ERI3: variants seen among roughly 807,000 people sequenced by gnomAD.
ERI3 encodes ERI1 exoribonuclease family member 3, also known as ERI1 exoribonuclease 3.
Under a neutral mutation model 44.4 loss-of-function variants are expected in ERI3, and 18 were observed. That is an observed-to-expected ratio of 0.41 (90% confidence interval 0.28 to 0.60). The LOEUF is 0.60. ERI3 is among the 20% of genes least tolerant of loss of function. The probability of loss-of-function intolerance (pLI) is 0.36; values close to 1 mark genes in which losing one functional copy is unlikely to be tolerated. For synonymous variants in ERI3, 183 were observed against 164.8 expected, an observed-to-expected ratio of 1.11 and a Z score of -0.84; for missense variants, 294 against 435.5, an observed-to-expected ratio of 0.68 and a Z score of 2.89.
chr1:44,317,716 G>A (rs574601690), intron 4 of ERI3, among the ~76,000 whole-genome samples: 42 of 152,182 alleles, frequency 2.8e-4, no homozygotes, highest in South Asian at 8.3e-4. Flanking sequence ...GGGGATCAGG[G>A]AAAGTGACCC....
chr1:44,286,481 A>G (rs770938883), intron 6 of ERI3, among the ~76,000 whole-genome samples: 5 of 152,190 alleles, frequency 3.3e-5, no homozygotes, highest in Non-Finnish European at 5.9e-5. Context: ...TCATTAATAT[A>G]ATTATTAATG....
intron 1 of ERI3, chr1:44,353,166 T>C (rs1351155335): frequency 1.0e-6 from 1 of 985,204 alleles, no homozygotes; most frequent in African/African-American, 1.7e-5. Context: ...ACACTAAACA[T>C]TTACCGAGAA....
intron 3 of ERI3, among the ~76,000 whole-genome samples, chr1:44,333,727 C>A (rs1311145063): frequency 2.0e-5 from 3 of 152,144 alleles, no homozygotes; most frequent in African/African-American, 4.8e-5. Flanking sequence ...GTCTCTTTCA[C>A]AAAAGACTAG....
intron 6 of ERI3, among the ~76,000 whole-genome samples, chr1:44,289,210 A>G (rs1304714630): frequency 6.6e-6 from 1 of 152,240 alleles, no homozygotes; most frequent in Admixed American, 6.5e-5. Flanking sequence ...CAACCAAATC[A>G]AAACTTCCTT....
At chr1:44,295,945 C>G (rs1645601339) in intron 6 of ERI3, among the ~76,000 whole-genome samples, 1 of 152,206 alleles carries the variant, frequency 6.6e-6, no homozygotes, top group Admixed American at 6.5e-5. Context: ...GGCTATAGGA[C>G]TGACAATGGG....
rs183415565 is a variant in ERI3 at position 44,346,520 on chromosome 1, G to A, written c.211+6330C>T. On this transcript the variant is annotated intron_variant, in intron 2 of 8. Coordinates refer to ENST00000372257, the MANE Select transcript of ERI3 (RefSeq NM_024066.3). ...AGTCAGTTGCAACCTCATCACACAC[G>A]AGAAGGGGCAAAGCCTTGCTTCCTA... 2.4e-4 allele frequency among the ~76,000 whole-genome samples: 36 copies of A among 152,274 alleles called. No individual in the cohort carries two copies. The East Asian group carries it at 6.9e-3, about 29-fold the overall frequency.
At chr1:44,297,593 C>A (rs1294103259) in intron 6 of ERI3, among the ~76,000 whole-genome samples, 1 of 152,184 alleles carries the variant, frequency 6.6e-6, no homozygotes, top group Non-Finnish European at 1.5e-5. Flanking sequence ...ACCCCTGTAG[C>A]CTTCATGTGC....
chr1:44,309,256 A>G (rs1450071427), intron 5 of ERI3, among the ~76,000 whole-genome samples: 4 of 152,134 alleles, frequency 2.6e-5, no homozygotes, highest in Non-Finnish European at 5.9e-5. Flanking sequence ...GCACTTTGGG[A>G]GGCAGATGCA....
At chr1:44,322,560 T>G (rs1295383941) in intron 3 of ERI3, among the ~76,000 whole-genome samples, 2 of 152,138 alleles carry the variant, frequency 1.3e-5, no homozygotes, top group Non-Finnish European at 2.9e-5. Context: ...TCTCAAAACG[T>G]GACTTTGCAG....
intron 8 of ERI3, among the ~76,000 whole-genome samples, chr1:44,222,877 G>T (rs1211161603): frequency 6.6e-6 from 1 of 152,210 alleles, no homozygotes; most frequent in Non-Finnish European, 1.5e-5. Flanking sequence ...GGTCAAGGTG[G>T]GGTCAGGAAG....
Position 44,308,410 on chromosome 1 carries a change from T to C in ERI3, c.667-9A>G, listed in dbSNP as rs1260379649. 9.3e-6 allele frequency: 15 copies of C among 1,611,994 alleles called. No homozygotes were observed. The highest frequency in any genetic ancestry group is 4.0e-5 in the African/African-American group (3 of 74,884). Reference sequence around the variant, plus strand: ...ATCCATTCATCGACCCTCTGAAAAGTACACAAGAACAAATGAGATTTTCCT... The same window carrying C: ...ATCCATTCATCGACCCTCTGAAAAGCACACAAGAACAAATGAGATTTTCCT... On this transcript the variant is annotated splice_polypyrimidine_tract_variant and intron_variant, in intron 5 of 8. Transcript: ENST00000372257.
rs1572091546 is a variant in ERI3, at chr1:44,241,884, A to T, written c.931+6055T>A. ...CCTTCTTCCATCCATCTGTCCATCA[A>T]CTCACCCACCCATCTAGTCCATCAA... On this transcript the variant is annotated intron_variant, in intron 8 of 8. Coordinates refer to ENST00000372257, the MANE Select transcript of ERI3 (RefSeq NM_024066.3). This position sits in a 1 kb window ranked among gnomAD's most constrained non-coding sequence, Gnocchi z 5.6. 3.3e-6 allele frequency: 3 copies of T among 908,822 alleles called. No homozygotes were observed. The highest frequency in any genetic ancestry group is 5.6e-4 in the Middle Eastern group (1 of 1,770). The allele number at this position is 908,822 out of a possible 1,614,324, so 56.3% of individuals were successfully genotyped here.
At position 44,303,743 on chromosome 1, in the gene ERI3, A is replaced by G. The variant is rs74839040; in HGVS notation, c.758+4567T>C. Among the ~76,000 whole-genome samples the G allele has an allele frequency of 5.4e-3, 820 of 152,194 alleles. 7 individuals carry two copies. Among genetic ancestry groups the G allele is most frequent in the African/African-American group, 0.019 (774 of 41,512 alleles). On this transcript the variant is annotated intron_variant, in intron 6 of 8. Transcript: ENST00000372257. ...AAGCAAGAACCTTGAAAGTCCCAAT[A>G]AACAGTTTGGACTTTACCCTTGAGG...
At chr1:44,306,243 C>A in intron 6 of ERI3, among the ~76,000 whole-genome samples, 1 of 152,212 alleles carries the variant, frequency 6.6e-6, no homozygotes. Context: ...CCAAACCAGC[C>A]CACAAAGTCT....
intron 6 of ERI3, among the ~76,000 whole-genome samples, chr1:44,307,868 A>C (rs1645872943): frequency 6.6e-6 from 1 of 152,130 alleles, no homozygotes; most frequent in African/African-American, 2.4e-5. Context: ...AAATTACTTA[A>C]CCTTTCTGTA....
intron 7 of ERI3, among the ~76,000 whole-genome samples, chr1:44,267,152 T>C (rs577085395): frequency 1.3e-5 from 2 of 152,320 alleles, no homozygotes; most frequent in Admixed American, 1.3e-4. Context: ...CACAACCCTG[T>C]CCTGCACCCA....
At chr1:44,328,228 C>G (rs1422458213) in intron 3 of ERI3, among the ~76,000 whole-genome samples, 3 of 107,996 alleles carry the variant, frequency 2.8e-5, no homozygotes, top group African/African-American at 7.2e-5. Flanking sequence ...ACCCGCCCCC[C>G]ACCCCCGCAA....
chr1:44,334,802 C>T (rs1037938693), intron 3 of ERI3, among the ~76,000 whole-genome samples: 1 of 152,198 alleles, frequency 6.6e-6, no homozygotes, highest in South Asian at 2.1e-4. Flanking sequence ...ATAACCAATG[C>T]TGTTACTCAC....
intron 2 of ERI3, among the ~76,000 whole-genome samples, chr1:44,348,235 AAG>A (rs778343158): frequency 6.6e-6 from 1 of 152,166 alleles, no homozygotes; most frequent in African/African-American, 2.4e-5. Context: ...GAGTGAAAGA[AAG>A]AGTGAGAGAC....
Sources: gnomAD v4.1 joint callset for allele counts (sites outside exome capture counted in the v4.1 genomes callset) on GRCh38, gnomAD v4.1.1 for gene constraint, Gnocchi (gnomAD v3.1) non-coding constraint, MANE v1.5 for transcripts, NCBI Gene and HGNC (gene_info 2026-07-23, HGNC 2026-07-21) for gene names.